The following MACROD1 variants were observed in gnomAD, a reference collection of about 807,000 sequenced individuals.
MACROD1 encodes the protein ADP-ribose glycohydrolase MACROD1.
Under a neutral mutation model 41.4 loss-of-function variants are expected in MACROD1, and 31 were observed. That is an observed-to-expected ratio of 0.75 (90% confidence interval 0.56 to 1.01). MACROD1 has a LOEUF of 1.01. Ranked by LOEUF, MACROD1 falls within the 50% of genes least tolerant of loss-of-function variation. The probability of loss-of-function intolerance (pLI) is 0.00; values close to 1 mark genes in which losing one functional copy is unlikely to be tolerated. For missense variants in MACROD1, 473 were observed against 460.0 expected (o/e 1.03, Z -0.26); for synonymous variants, 252 against 203.4 (o/e 1.24, Z -2.03).
At chr11:64,107,634 G>A (rs529878067) in intron 3 of MACROD1, among the ~76,000 whole-genome samples, 21 of 152,334 alleles carry the variant, frequency 1.4e-4, no homozygotes, top group Non-Finnish European at 2.6e-4. Context: ...AAGAATTCCC[G>A]CCCCAGCCCC....
intron 8 of MACROD1, 113 bp downstream of exon 8, chr11:63,999,218 A>AG: frequency 1.6e-5 from 22 of 1,405,316 alleles, no homozygotes; most frequent in Non-Finnish European, 2.0e-5. Flanking sequence ...GAAACAGGGA[A>AG]GGAAGGGGCG....
intron 3 of MACROD1, among the ~76,000 whole-genome samples, chr11:64,131,776 C>T (rs1214059370): frequency 2.0e-5 from 3 of 152,280 alleles, no homozygotes; most frequent in South Asian, 2.1e-4. Context: ...CAAATGGGAC[C>T]GAGAGCCCCC....
At chr11:64,115,559 C>T (rs866927366) in intron 3 of MACROD1, among the ~76,000 whole-genome samples, 2 of 152,300 alleles carry the variant, frequency 1.3e-5, no homozygotes, top group Non-Finnish European at 2.9e-5. Flanking sequence ...GTAGAATGTA[C>T]GAGTGACAAC....
intron 3 of MACROD1, among the ~76,000 whole-genome samples, chr11:64,041,311 G>C (rs987209147): frequency 1.3e-5 from 2 of 148,256 alleles, no homozygotes; most frequent in Admixed American, 6.7e-5. Flanking sequence ...GAAGCAAATT[G>C]CTCTTCTTGA....
At chr11:64,111,147 G>T (rs1944855884) in intron 3 of MACROD1, among the ~76,000 whole-genome samples, 1 of 152,222 alleles carries the variant, frequency 6.6e-6, no homozygotes, top group Admixed American at 6.5e-5. Flanking sequence ...AGCTGAGCGG[G>T]CGCTGGGAAC....
At chr11:64,155,860 G>A (rs1945659342) in intron 1 of MACROD1, among the ~76,000 whole-genome samples, 1 of 152,034 alleles carries the variant, frequency 6.6e-6, no homozygotes, top group Non-Finnish European at 1.5e-5. Flanking sequence ...TGTAATCCCA[G>A]CATTTTGGGA....
At chr11:64,029,535 A>G (rs1213019416) in intron 3 of MACROD1, among the ~76,000 whole-genome samples, 1 of 150,304 alleles carries the variant, frequency 6.7e-6, no homozygotes, top group Non-Finnish European at 1.5e-5. Context: ...CCCCTTCCTC[A>G]CTGTCCCGGG....
chr11:64,023,824 G>A (rs933454844), intron 3 of MACROD1, among the ~76,000 whole-genome samples: 1 of 152,044 alleles, frequency 6.6e-6, no homozygotes, highest in African/African-American at 2.4e-5. Flanking sequence ...TGGTCTAATC[G>A]AGGCATCCCA....
chr11:64,094,885 C>T (rs916766337), intron 3 of MACROD1, among the ~76,000 whole-genome samples: 4 of 152,178 alleles, frequency 2.6e-5, no homozygotes, highest in African/African-American at 7.2e-5. Context: ...TGGATTTCGC[C>T]GAATGTCCCA....
intron 1 of MACROD1, among the ~76,000 whole-genome samples, chr11:64,154,262 C>A (rs958999660): frequency 2.6e-5 from 4 of 152,220 alleles, no homozygotes; most frequent in African/African-American, 9.6e-5. Context: ...GAACGTTTGA[C>A]TCTTTCCCCC....
chr11:64,050,960 AG>A (rs1419921248), intron 3 of MACROD1, among the ~76,000 whole-genome samples: 2 of 152,174 alleles, frequency 1.3e-5, no homozygotes, highest in Non-Finnish European at 2.9e-5. Flanking sequence ...TTCTTGTTGC[AG>A]GCAGCCAGGC....
rs1945082094 is a variant in MACROD1 at position 64,120,616 on chromosome 11, C to G, written c.517+30623G>C. Among the ~76,000 whole-genome samples the G allele has an allele frequency of 6.6e-6, 1 of 151,942 alleles. No homozygotes were observed. On this transcript the variant is annotated intron_variant, in intron 3 of 10. Coordinates refer to ENST00000255681, the MANE Select transcript of MACROD1 (RefSeq NM_014067.4). This position sits in a 1 kb window ranked among gnomAD's most constrained non-coding sequence, Gnocchi z 4.5. ...AGGAGAATCGCTTGAACCAGGGAGG[C>G]AGAGGCTGCAGTGAACCGAGATTGC...
chr11:64,007,103 T>TC (rs1161499777), intron 4 of MACROD1, among the ~76,000 whole-genome samples: 1 of 152,090 alleles, frequency 6.6e-6, no homozygotes, highest in Non-Finnish European at 1.5e-5. Flanking sequence ...TCTCTGGGGC[T>TC]CCCTGCAGCC....
chr11:64,162,523 T>A (rs2701531), intron 1 of MACROD1, among the ~76,000 whole-genome samples: 152,216 of 152,232 alleles, frequency 1, 76,100 homozygotes, highest in Middle Eastern at 1. Flanking sequence ...AAATTAATTT[T>A]AAAAATTTTG....
chr11:64,053,470 T>C (rs546732709), intron 3 of MACROD1, among the ~76,000 whole-genome samples: 10 of 152,226 alleles, frequency 6.6e-5, no homozygotes, highest in Non-Finnish European at 1.2e-4. Context: ...TGGGGATGTC[T>C]GTGGCCCCGA....
rs1483801072 is a variant in MACROD1, at chr11:64,122,509, C to G, written c.517+28730G>C. ...TACACAGGCACCGGGTCTCCTCCTT[C>G]CCCTGGGGATCTGGGAAACCCTCCC... On this transcript the variant is annotated intron_variant, in intron 3 of 10. Coordinates refer to ENST00000255681, the MANE Select transcript of MACROD1 (RefSeq NM_014067.4). The surrounding 1 kb of genome is among the most constrained non-coding windows in gnomAD (Gnocchi z 4.0). Among the ~76,000 whole-genome samples, 2 of 152,252 alleles carry G rather than the reference C, an allele frequency of 1.3e-5. No individual in the cohort carries two copies. The highest frequency in any genetic ancestry group is 2.9e-5 in the Non-Finnish European group (2 of 68,042).
At chr11:64,063,151 A>C (rs1943936046) in intron 3 of MACROD1, among the ~76,000 whole-genome samples, 1 of 152,300 alleles carries the variant, frequency 6.6e-6, no homozygotes, top group East Asian at 1.9e-4. Context: ...GATCAAAGGC[A>C]CAGATGCAGG....
chr11:64,077,416 C>T (rs575561494), intron 3 of MACROD1, among the ~76,000 whole-genome samples: 3 of 152,300 alleles, frequency 2.0e-5, no homozygotes, highest in East Asian at 1.9e-4. Flanking sequence ...AGCTGTGCCC[C>T]GTCCTCGGAT....
chr11:64,077,523 C>T (rs757784257), intron 3 of MACROD1, among the ~76,000 whole-genome samples: 3 of 151,968 alleles, frequency 2.0e-5, no homozygotes, highest in East Asian at 3.9e-4. Context: ...GGCTGCAGGC[C>T]GCATGTGGGA....
Sources: allele counts gnomAD v4.1 joint callset (sites outside exome capture counted in the v4.1 genomes callset), GRCh38; gene constraint gnomAD v4.1.1; non-coding constraint Gnocchi (gnomAD v3.1); transcripts MANE v1.5; gene names NCBI Gene and HGNC (gene_info 2026-07-23, HGNC 2026-07-21).